Variants in CDH13 observed in about 807,000 individuals in gnomAD.
CDH13 encodes the protein cadherin-13.
CDH13 carries 24 observed loss-of-function variants against 63.8 expected under a neutral mutation model. The ratio of observed to expected loss-of-function variants is 0.38; its 90% CI spans 0.27 to 0.53. The LOEUF (loss-of-function observed/expected upper bound fraction) is 0.53, where lower values mean the gene tolerates loss of function less well. Ranked by LOEUF, CDH13 falls within the 20% of genes least tolerant of loss-of-function variation. CDH13 has a pLI of 0.85. For missense variants in CDH13, 1,049 were observed against 903.1 expected, an observed-to-expected ratio of 1.16 and a Z score of -2.07; for synonymous variants, 503 against 355.3, an observed-to-expected ratio of 1.42 and a Z score of -4.67.
At chr16:83,216,397 A>AAC (rs2039511458) in intron 4 of CDH13, among the ~76,000 whole-genome samples, 1 of 16,092 alleles carries the variant, frequency 6.2e-5, no homozygotes, top group Non-Finnish European at 1.7e-4. Flanking sequence ...CCAGCATTGA[A>AAC]ATATATATAT....
chr16:83,032,135 T>C lies in CDH13; in HGVS notation c.283T>C (p.Phe95Leu). 1 of 1,613,508 alleles carries C rather than the reference T, an allele frequency of 6.2e-7. No homozygotes were observed. The highest frequency in any genetic ancestry group is 8.5e-7 in the Non-Finnish European group (1 of 1,179,776). The change falls in exon 3 of 14, where the codon TTC (phenylalanine) becomes CTC (leucine). Residue 95 changes from phenylalanine to leucine, a missense_variant. Transcript: ENST00000567109. ...CATAACTGCAGTGGGCAAAACTCTGTTCGTCCATGCACGGACCCCCCATGC... is the reference window on the plus strand; with the variant it reads ...CATAACTGCAGTGGGCAAAACTCTGCTCGTCCATGCACGGACCCCCCATGC... The part of the protein sequence containing the change: ...RNITAVGKTL[F>L]VHARTPHAED...
chr16:83,166,427 A>G (rs568648780), intron 4 of CDH13, among the ~76,000 whole-genome samples: 1 of 152,208 alleles, frequency 6.6e-6, no homozygotes, highest in African/African-American at 2.4e-5. Context: ...CACATCTCCA[A>G]AGCCATCCAA....
intron 1 of CDH13, among the ~76,000 whole-genome samples, chr16:82,787,850 G>GTGTGTGTGTGTGTGTGTGTGTGTGTT (rs1030473370): frequency 6.6e-6 from 1 of 152,026 alleles, no homozygotes; most frequent in African/African-American, 2.4e-5. Flanking sequence ...AAGTGTGTGT[G>GTGTGTGTGTGTGTGTGTGTGTGTGTT]TGATCTCAAA....
intron 2 of CDH13, among the ~76,000 whole-genome samples, chr16:82,972,996 G>A (rs550720799): frequency 6.6e-6 from 1 of 152,142 alleles, no homozygotes; most frequent in East Asian, 1.9e-4. Flanking sequence ...CTGGAGTCTC[G>A]ACCCAGAACA....
intron 2 of CDH13, chr16:82,925,950 C>G (rs988128835): frequency 1.3e-5 from 2 of 152,154 alleles, no homozygotes; most frequent in Middle Eastern, 3.4e-3. Context: ...AAAAATTCAG[C>G]AAAGACTAGC....
At chr16:83,265,575 A>G (rs1332047563) in intron 5 of CDH13, among the ~76,000 whole-genome samples, 2 of 151,944 alleles carry the variant, frequency 1.3e-5, no homozygotes, top group Admixed American at 1.3e-4. Context: ...CATAATTTCA[A>G]TTTTAATGGT....
intron 4 of CDH13, among the ~76,000 whole-genome samples, chr16:83,184,309 C>T (rs187019922): frequency 1.8e-4 from 27 of 152,260 alleles, no homozygotes; most frequent in Middle Eastern, 3.4e-3. Context: ...TACATTAACT[C>T]TAAAAAGTAA....
chr16:83,466,709 C>G (rs1158583888), intron 6 of CDH13, among the ~76,000 whole-genome samples: 1 of 152,170 alleles, frequency 6.6e-6, no homozygotes, highest in Non-Finnish European at 1.5e-5. Context: ...CCTGGATTCC[C>G]TAGTTTGGAA....
rs556271933 is a variant in CDH13 at position 83,283,015 on chromosome 16, A to G, written c.637-61847A>G. Reference sequence around the variant, plus strand: ...CTGTTCTTCACTCCTTATTTATAGCATTGCTGAGAAAATTAGGTGAGATTC... The same window carrying G: ...CTGTTCTTCACTCCTTATTTATAGCGTTGCTGAGAAAATTAGGTGAGATTC... On this transcript the variant is annotated intron_variant, in intron 5 of 13. Coordinates refer to ENST00000567109, the MANE Select transcript of CDH13 (RefSeq NM_001257.5). 3.3e-4 allele frequency among the ~76,000 whole-genome samples: 51 copies of G among 152,306 alleles called. 1 individual carries two copies. The highest frequency in any genetic ancestry group is 1.1e-3 in the African/African-American group (47 of 41,574).
At chr16:83,368,227 A>G (rs2091291011) in intron 6 of CDH13, among the ~76,000 whole-genome samples, 1 of 152,208 alleles carries the variant, frequency 6.6e-6, no homozygotes, top group Non-Finnish European at 1.5e-5. Context: ...CTGGAGCCCA[A>G]CATTCATATT....
intron 4 of CDH13, among the ~76,000 whole-genome samples, chr16:83,191,538 T>C (rs772152048): frequency 0.07 from 8,711 of 124,244 alleles, 408 homozygotes; most frequent in African/African-American, 0.085. Flanking sequence ...CACATATATA[T>C]ATATATATAT....
chr16:83,744,267 G>A (rs754500682), intron 10 of CDH13, among the ~76,000 whole-genome samples: 10 of 152,232 alleles, frequency 6.6e-5, no homozygotes, highest in East Asian at 1.9e-4. Context: ...CATGTGCCTC[G>A]CACAGACCTA....
At chr16:83,448,563 G>T (rs987076192) in intron 6 of CDH13, among the ~76,000 whole-genome samples, 13 of 152,180 alleles carry the variant, frequency 8.5e-5, no homozygotes, top group Non-Finnish European at 1.8e-4. Context: ...GAGTATCTTT[G>T]GTTTAACATG....
chr16:82,737,970 G>A (rs562273509), intron 1 of CDH13, among the ~76,000 whole-genome samples: 2 of 152,182 alleles, frequency 1.3e-5, no homozygotes, highest in Middle Eastern at 3.4e-3. Context: ...TTTGTTTGTG[G>A]TAAGAACACC....
At chr16:82,743,814 C>G (rs1340897905) in intron 1 of CDH13, among the ~76,000 whole-genome samples, 2 of 152,218 alleles carry the variant, frequency 1.3e-5, no homozygotes, top group African/African-American at 2.4e-5. Context: ...ATTTTTAATA[C>G]AAATATTTTC....
intron 4 of CDH13, among the ~76,000 whole-genome samples, chr16:83,206,856 A>G (rs1181341344): frequency 2.0e-5 from 3 of 151,894 alleles, no homozygotes; most frequent in Non-Finnish European, 2.9e-5. Context: ...AGAGCCTCCT[A>G]GTGCCTACAA....
At chr16:83,134,988 C>T (rs1372255776) in intron 4 of CDH13, among the ~76,000 whole-genome samples, 2 of 152,164 alleles carry the variant, frequency 1.3e-5, no homozygotes, top group Non-Finnish European at 2.9e-5. Flanking sequence ...TGGCCTCAGA[C>T]TGAATTTATA....
intron 1 of CDH13, among the ~76,000 whole-genome samples, chr16:82,673,342 G>A (rs1913521700): frequency 6.6e-6 from 1 of 152,006 alleles, no homozygotes; most frequent in African/African-American, 2.4e-5. Context: ...CTCAGTCAAG[G>A]AACTGAGAAC....
At chr16:83,429,678 T>G (rs978337289) in intron 6 of CDH13, among the ~76,000 whole-genome samples, 7 of 152,240 alleles carry the variant, frequency 4.6e-5, no homozygotes, top group African/African-American at 1.7e-4. Context: ...CCTTAGAACT[T>G]GTGCTCTGCT....
Sources: allele counts gnomAD v4.1 joint callset (sites outside exome capture counted in the v4.1 genomes callset), GRCh38; gene constraint gnomAD v4.1.1; transcripts MANE v1.5; gene names NCBI Gene and HGNC (gene_info 2026-07-23, HGNC 2026-07-21).